The following ADAMTS17 variants were observed in gnomAD, a reference collection of about 807,000 sequenced individuals.
ADAMTS17 encodes A disintegrin and metalloproteinase with thrombospondin motifs 17.
In ADAMTS17, 113 loss-of-function variants were observed where a neutral mutation model predicts 141.5. The ratio of observed to expected loss-of-function variants is 0.80; its 90% CI spans 0.69 to 0.93. ADAMTS17 has a LOEUF of 0.93. Among genes scored for constraint, ADAMTS17 ranks in the 40% least tolerant of loss-of-function variants. The pLI is 0.00. For synonymous variants in ADAMTS17, 768 were observed against 630.6 expected (o/e 1.22, Z -3.27); for missense variants, 1,659 against 1,517.9 (o/e 1.09, Z -1.54).
At chr15:100,111,245 T>C (rs998251208) in intron 13 of ADAMTS17, among the ~76,000 whole-genome samples, 1 of 152,184 alleles carries the variant, frequency 6.6e-6, no homozygotes, top group African/African-American at 2.4e-5. Context: ...AGTGGGCTCA[T>C]GGACAAGTGT....
At chr15:100,227,385 T>C (rs2042343989) in intron 7 of ADAMTS17, among the ~76,000 whole-genome samples, 1 of 152,214 alleles carries the variant, frequency 6.6e-6, no homozygotes, top group Non-Finnish European at 1.5e-5. Context: ...CCACCTCCAA[T>C]TCATTACTAA....
chr15:100,048,816 C>G, intron 18 of ADAMTS17, 41 bp downstream of exon 18: 1 of 1,613,934 alleles, frequency 6.2e-7, no homozygotes, highest in Non-Finnish European at 8.5e-7. Flanking sequence ...GCTGCCGCCC[C>G]AGACTCTGGT....
At chr15:100,273,817 C>A (rs1234585090) in intron 4 of ADAMTS17, among the ~76,000 whole-genome samples, 2 of 152,166 alleles carry the variant, frequency 1.3e-5, no homozygotes, top group African/African-American at 4.8e-5. Flanking sequence ...TACCGCTATA[C>A]ATGCTATACA....
chr15:100,200,800 G>T (rs1353505061), intron 7 of ADAMTS17, among the ~76,000 whole-genome samples: 1 of 151,978 alleles, frequency 6.6e-6, no homozygotes, highest in Non-Finnish European at 1.5e-5. Flanking sequence ...TCTCCCCCAT[G>T]GGCTGTCCCT....
At chr15:100,109,361 G>C (rs1296657324) in intron 13 of ADAMTS17, among the ~76,000 whole-genome samples, 2 of 152,128 alleles carry the variant, frequency 1.3e-5, no homozygotes, top group Non-Finnish European at 2.9e-5. Flanking sequence ...CAATGATACA[G>C]GAAGTTTCCT....
intron 18 of ADAMTS17, among the ~76,000 whole-genome samples, chr15:99,998,618 C>CA (rs909279878): frequency 2.0e-5 from 3 of 151,968 alleles, no homozygotes; most frequent in Non-Finnish European, 4.4e-5. Flanking sequence ...AAAATAAAAA[C>CA]AAAAAATAAA....
At chr15:100,152,863 G>A in intron 9 of ADAMTS17, 101 bp from the exon 10 acceptor site, 1 of 1,457,964 alleles carries the variant, frequency 6.9e-7, no homozygotes, top group South Asian at 1.2e-5. Flanking sequence ...TGAGAAGAGG[G>A]CACCTCCACG....
At chr15:100,116,733 G>C in intron 13 of ADAMTS17, 114 bp downstream of exon 13, 1 of 1,432,124 alleles carries the variant, frequency 7.0e-7, no homozygotes, top group Non-Finnish European at 9.8e-7. Flanking sequence ...GAGGACTGGA[G>C]TGTCTTGCTG....
chr15:100,087,567 A>T (rs953359407), intron 15 of ADAMTS17, among the ~76,000 whole-genome samples: 1 of 152,230 alleles, frequency 6.6e-6, no homozygotes. Context: ...ATCCTTGATG[A>T]ACATTGAAGC....
intron 20 of ADAMTS17, among the ~76,000 whole-genome samples, chr15:99,983,496 G>C (rs2060522516): frequency 6.6e-6 from 1 of 152,100 alleles, no homozygotes; most frequent in Non-Finnish European, 1.5e-5. Flanking sequence ...CCTTCCCCTA[G>C]CTTCTCCCAG....
chr15:100,191,815 G>A (rs1344496517), intron 8 of ADAMTS17, among the ~76,000 whole-genome samples: 1 of 152,116 alleles, frequency 6.6e-6, no homozygotes, highest in Non-Finnish European at 1.5e-5. Context: ...AAGAAATCAG[G>A]CAATGCTGAG....
intron 12 of ADAMTS17, among the ~76,000 whole-genome samples, chr15:100,122,592 A>C (rs1037333324): frequency 6.6e-6 from 1 of 152,210 alleles, no homozygotes; most frequent in African/African-American, 2.4e-5. Flanking sequence ...TAACACCCCC[A>C]AAATTAACTA....
At chr15:100,316,044 T>C (rs893617608) in intron 3 of ADAMTS17, among the ~76,000 whole-genome samples, 7 of 152,366 alleles carry the variant, frequency 4.6e-5, no homozygotes, top group African/African-American at 1.7e-4. Flanking sequence ...GAATATGGCA[T>C]AGATCAACAG....
chr15:100,158,941 G>A (rs1904891), intron 8 of ADAMTS17, among the ~76,000 whole-genome samples: 7,011 of 152,202 alleles, frequency 0.046, 179 homozygotes, highest in Middle Eastern at 0.068. Flanking sequence ...CACCTCTCAT[G>A]ATGTTTACTA....
intron 7 of ADAMTS17, among the ~76,000 whole-genome samples, chr15:100,232,364 T>G (rs1247075146): frequency 6.6e-6 from 1 of 152,210 alleles, no homozygotes; most frequent in Non-Finnish European, 1.5e-5. Context: ...GATGTGAGGT[T>G]CAAGTCCCGG....
intron 15 of ADAMTS17, among the ~76,000 whole-genome samples, chr15:100,085,397 C>G (rs201945852): frequency 0.17 from 18,329 of 107,734 alleles, 2,721 homozygotes; most frequent in East Asian, 0.41. Context: ...GAGGAGAACG[C>G]AACCAAGTTG....
intron 10 of ADAMTS17, 83 bp from the exon 11 acceptor site, chr15:100,133,398 C>G: frequency 7.2e-7 from 1 of 1,389,784 alleles, no homozygotes; most frequent in South Asian, 1.2e-5. Context: ...GTGGCCCAAC[C>G]ACTGTTTCAA....
chr15:100,029,650 G>A (rs1057044001), intron 18 of ADAMTS17, among the ~76,000 whole-genome samples: 1 of 152,152 alleles, frequency 6.6e-6, no homozygotes, highest in Non-Finnish European at 1.5e-5. Context: ...TCTGGGCCCT[G>A]AAGTCTTCAG....
chr15:100,047,975 T>C (rs2031843001), intron 18 of ADAMTS17, among the ~76,000 whole-genome samples: 1 of 152,210 alleles, frequency 6.6e-6, no homozygotes, highest in South Asian at 2.1e-4. Context: ...ACCTTCTTTT[T>C]TTCCTTCCTG....
Sources: allele counts gnomAD v4.1 joint callset (sites outside exome capture counted in the v4.1 genomes callset), GRCh38; gene constraint gnomAD v4.1.1; transcripts MANE v1.5; gene names NCBI Gene and HGNC (gene_info 2026-07-23, HGNC 2026-07-21).